The following NEMP2 variants were observed in gnomAD, a reference collection of about 807,000 sequenced individuals.
NEMP2 encodes the protein nuclear envelope integral membrane protein 2.
NEMP2 carries 53 observed loss-of-function variants against 54.2 expected under a neutral mutation model. The observed-to-expected ratio is 0.98, with a 90% CI of 0.78 to 1.23. NEMP2 has a LOEUF of 1.23. Among genes scored for constraint, NEMP2 ranks in the 50% most tolerant of loss-of-function variants. NEMP2 has a pLI of 0.00. For synonymous variants in NEMP2, 197 were observed against 190.3 expected, an observed-to-expected ratio of 1.04 and a Z score of -0.29; for missense variants, 455 against 511.3, an observed-to-expected ratio of 0.89 and a Z score of 1.06.
At chr2:190,487,503 G>C in the NEMP2 span, among the ~76,000 whole-genome samples, 1 of 152,126 alleles carries the variant, frequency 6.6e-6, no homozygotes, top group Non-Finnish European at 1.5e-5. The surrounding 1 kb of genome is among the most constrained non-coding windows in gnomAD (Gnocchi z 5.5). Context: ...TGTCAAAGTA[G>C]GTGCCCTAGA....
At chr2:190,483,770 G>A in the NEMP2 span, among the ~76,000 whole-genome samples, 7 of 149,890 alleles carry the variant, frequency 4.7e-5, no homozygotes, top group Non-Finnish European at 8.9e-5. Flanking sequence ...AGGAGGCAGA[G>A]GATGCGGTGA....
chr2:190,536,278 G>T (rs1691375431), upstream of NEMP2, among the ~76,000 whole-genome samples: 1 of 152,116 alleles, frequency 6.6e-6, no homozygotes, highest in African/African-American at 2.4e-5. Flanking sequence ...TCCACTGGGG[G>T]AAGGGCAGGA....
chr2:190,430,807 A>C, the NEMP2 span, among the ~76,000 whole-genome samples: 9 of 124,090 alleles, frequency 7.3e-5, no homozygotes, highest in Admixed American at 8.0e-5. Context: ...CGCCCCCCCC[A>C]CCTCCCTCCC....
chr2:190,550,507 A>G, the NEMP2 span, among the ~76,000 whole-genome samples: 3 of 152,256 alleles, frequency 2.0e-5, no homozygotes, highest in South Asian at 6.2e-4. The surrounding 1 kb of genome is among the most constrained non-coding windows in gnomAD (Gnocchi z 4.7). Context: ...CGATGAAATT[A>G]GAATATCTCA....
chr2:190,424,104 CA>C, the NEMP2 span, among the ~76,000 whole-genome samples: 1 of 152,138 alleles, frequency 6.6e-6, no homozygotes, highest in South Asian at 2.1e-4. The surrounding 1 kb of genome is among the most constrained non-coding windows in gnomAD (Gnocchi z 5.9). Flanking sequence ...ATCCTCTTTG[CA>C]GAGTCTTTTA....
intron 1 of NEMP2, chr2:190,534,356 C>T (rs62181053): frequency 0.29 from 352,780 of 1,202,212 alleles, 55,165 homozygotes; most frequent in South Asian, 0.33. Context: ...AAATGTCCAA[C>T]TGCCAGGCGA....
chr2:190,507,715 T>A lies in NEMP2; in HGVS notation c.*1474A>T, dbSNP rs1271566841. The A allele has an allele frequency of 3.3e-5, 5 of 152,030 alleles. No homozygotes were observed. Among genetic ancestry groups the A allele is most frequent in the Non-Finnish European group, 7.4e-5 (5 of 68,018 alleles). 9.4% of individuals were successfully genotyped at this position (152,030 alleles called of 1,614,324 possible). A position where few individuals can be genotyped will look rare whatever the true frequency, so the allele number is the denominator to read the frequency against. The stretch of plus-strand genomic sequence containing the variant: ...TGGCAAAAACAGACCTGTAAATACT[T>A]CAAAGAGGAACTATCATTTGAAAAT... On this transcript the variant is annotated 3_prime_UTR_variant, in exon 9 of 9. Transcript: ENST00000409150. The surrounding 1 kb of genome is among the most constrained non-coding windows in gnomAD (Gnocchi z 4.4).
chr2:190,509,029 T>A lies in NEMP2; in HGVS notation c.*160A>T. On this transcript the variant is annotated 3_prime_UTR_variant, in exon 9 of 9. Coordinates refer to ENST00000409150, the MANE Select transcript of NEMP2 (RefSeq NM_001142645.2). This position sits in a 1 kb window ranked among gnomAD's most constrained non-coding sequence, Gnocchi z 6.1. ...AGAAGTCACCAAGAATGCTAAGTTATCTTCAAAATGGGTTGGTTTCCCTTT... is the reference window on the plus strand; with the variant it reads ...AGAAGTCACCAAGAATGCTAAGTTAACTTCAAAATGGGTTGGTTTCCCTTT... 1 of 1,109,330 alleles carries A rather than the reference T, an allele frequency of 9.0e-7. No individual in the cohort carries two copies. Among genetic ancestry groups the A allele is most frequent in the South Asian group, 1.7e-5 (1 of 58,572 alleles). The allele number at this position is 1,109,330 out of a possible 1,614,324, so 68.7% of individuals were successfully genotyped here.
intron 1 of NEMP2, chr2:190,534,176 G>A (rs1364773039): frequency 9.7e-7 from 1 of 1,026,906 alleles, no homozygotes; most frequent in Non-Finnish European, 1.2e-6. Context: ...ACGCATTGAT[G>A]TACTGTACAA....
the NEMP2 span, among the ~76,000 whole-genome samples, chr2:190,636,400 C>T: frequency 6.6e-6 from 1 of 152,258 alleles, no homozygotes; most frequent in East Asian, 1.9e-4. Flanking sequence ...AACTTTGCAA[C>T]AAAACTTGTT....
chr2:190,436,357 C>A, the NEMP2 span: 10 of 1,614,052 alleles, frequency 6.2e-6, no homozygotes, highest in Non-Finnish European at 8.5e-6. This position sits in a 1 kb window ranked among gnomAD's most constrained non-coding sequence, Gnocchi z 5.3. Flanking sequence ...AGTAGGTATT[C>A]GTTACTTCAT....
the NEMP2 span, chr2:190,608,468 T>C: frequency 6.6e-6 from 1 of 152,238 alleles, no homozygotes; most frequent in Admixed American, 6.5e-5. The surrounding 1 kb of genome is among the most constrained non-coding windows in gnomAD (Gnocchi z 4.9). Context: ...GTCATGGCCA[T>C]AGAGTATGAT....
chr2:190,535,897 C>A (rs1373070545), upstream of NEMP2: 2 of 152,188 alleles, frequency 1.3e-5, no homozygotes, highest in African/African-American at 4.8e-5. Flanking sequence ...TGTGCACTTG[C>A]TTCTTGCAAG....
chr2:190,550,096 T>G, the NEMP2 span, among the ~76,000 whole-genome samples: 1 of 152,214 alleles, frequency 6.6e-6, no homozygotes, highest in African/African-American at 2.4e-5. The surrounding 1 kb of genome is among the most constrained non-coding windows in gnomAD (Gnocchi z 4.7). Context: ...TTTCCCCATA[T>G]CAAGATTCCT....
the NEMP2 span, among the ~76,000 whole-genome samples, chr2:190,435,586 A>C: frequency 6.6e-6 from 1 of 152,244 alleles, no homozygotes; most frequent in Non-Finnish European, 1.5e-5. Flanking sequence ...AAAGAATCCT[A>C]GACTTCATAA....
the NEMP2 span, among the ~76,000 whole-genome samples, chr2:190,624,207 A>C: frequency 8.6e-3 from 1,304 of 152,346 alleles, 21 homozygotes; most frequent in African/African-American, 0.029. Flanking sequence ...AATGGTCAAC[A>C]TCAGTAATCA....
rs1354790567 is a variant in NEMP2 at position 190,527,726 on chromosome 2, C to T, written c.98-2348G>A. The stretch of plus-strand genomic sequence containing the variant: ...ACAGGGCTGCAGGAGGTGAGCGGTG[C>T]GCGAGGCGAGTGATCATTACCACCT... On this transcript the variant is annotated intron_variant, in intron 1 of 8. Transcript: ENST00000409150. The surrounding 1 kb of genome is among the most constrained non-coding windows in gnomAD (Gnocchi z 4.0). Among the ~76,000 whole-genome samples the T allele has an allele frequency of 8.5e-5, 13 of 152,190 alleles. No homozygotes were observed. In the East Asian group the frequency reaches 2.1e-3, roughly 25 times the overall value.
At chr2:190,499,891 G>C (rs767508118), downstream of NEMP2, 2 of 1,563,636 alleles carry the variant, frequency 1.3e-6, no homozygotes, top group Admixed American at 1.9e-5. This position sits in a 1 kb window ranked among gnomAD's most constrained non-coding sequence, Gnocchi z 6.0. Flanking sequence ...CTATTACTTG[G>C]TCCCTGAAAT....
At chr2:190,427,757 G>C in the NEMP2 span, among the ~76,000 whole-genome samples, 2 of 150,384 alleles carry the variant, frequency 1.3e-5, no homozygotes, top group Non-Finnish European at 3.0e-5. Flanking sequence ...TTGAGACAGA[G>C]TTTCACTCTT....
Sources: gnomAD v4.1 joint callset for allele counts (sites outside exome capture counted in the v4.1 genomes callset) on GRCh38, gnomAD v4.1.1 for gene constraint, Gnocchi (gnomAD v3.1) non-coding constraint, MANE v1.5 for transcripts, NCBI Gene and HGNC (gene_info 2026-07-23, HGNC 2026-07-21) for gene names.